Variants in DPY19L3 observed in about 807,000 individuals in gnomAD.
DPY19L3 encodes the protein dpy-19 like C-mannosyltransferase 3.
Under a neutral mutation model 92.3 loss-of-function variants are expected in DPY19L3, and 51 were observed. The ratio of observed to expected loss-of-function variants is 0.55; its 90% CI spans 0.44 to 0.70. DPY19L3 has a LOEUF of 0.70. DPY19L3 is among the 30% of genes least tolerant of loss of function. The probability of loss-of-function intolerance (pLI) is 0.00; values close to 1 mark genes in which losing one functional copy is unlikely to be tolerated. For missense variants in DPY19L3, 706 were observed against 855.9 expected (o/e 0.82, Z 2.18); for synonymous variants, 309 against 315.2 (o/e 0.98, Z 0.21).
chr19:32,434,521 T>C (rs1297789997), intron 4 of DPY19L3, among the ~76,000 whole-genome samples: 2 of 152,010 alleles, frequency 1.3e-5, no homozygotes, highest in South Asian at 2.1e-4. Context: ...TAGCCGGGCG[T>C]AGTGGCGCAT....
intron 8 of DPY19L3, among the ~76,000 whole-genome samples, chr19:32,445,075 CAAAAAA>C (rs771623749): frequency 1.8e-5 from 1 of 54,612 alleles, no homozygotes; most frequent in Non-Finnish European, 3.9e-5. Context: ...GACCCAGTCT[CAAAAAA>C]AAAAAAAAAA....
chr19:32,478,081 G>A (rs914801953), intron 17 of DPY19L3, among the ~76,000 whole-genome samples: 8 of 152,194 alleles, frequency 5.3e-5, no homozygotes, highest in Admixed American at 4.6e-4. Context: ...CATCATGTGG[G>A]ACTTCAAGAT....
chr19:32,475,631 C>G (rs990744707), intron 16 of DPY19L3, among the ~76,000 whole-genome samples: 1 of 152,234 alleles, frequency 6.6e-6, no homozygotes, highest in African/African-American at 2.4e-5. Context: ...GCACAGTACA[C>G]AAGGCCCAGA....
chr19:32,462,469 AAG>A (rs1377751631), intron 12 of DPY19L3, among the ~76,000 whole-genome samples: 1 of 152,204 alleles, frequency 6.6e-6, no homozygotes. Context: ...ATCCACCGAT[AAG>A]AGGGGACTAC....
chr19:32,477,502 C>T lies in DPY19L3; in HGVS notation c.1698-20C>T. 1 of 1,613,874 alleles carries T rather than the reference C, an allele frequency of 6.2e-7. No individual in the cohort carries two copies. The highest frequency in any genetic ancestry group is 2.2e-5 in the East Asian group (1 of 44,868). On this transcript the variant is annotated intron_variant, in intron 16 of 18. Coordinates refer to ENST00000392250, the MANE Select transcript of DPY19L3 (RefSeq NM_001172774.2). ...GGATCTCTTAACAGTGGGGTTAATTCAGACTCTAAAATCTTTCAGCTCTAA... is the reference window on the plus strand; with the variant it reads ...GGATCTCTTAACAGTGGGGTTAATTTAGACTCTAAAATCTTTCAGCTCTAA...
At chr19:32,456,194 G>C (rs1411954560) in intron 10 of DPY19L3, among the ~76,000 whole-genome samples, 2 of 143,624 alleles carry the variant, frequency 1.4e-5, no homozygotes, top group Non-Finnish European at 3.0e-5. Flanking sequence ...TCCCACCTCA[G>C]CCTCCTGAGT....
At chr19:32,440,804 A>G (rs1317172226) in intron 8 of DPY19L3, among the ~76,000 whole-genome samples, 1 of 152,224 alleles carries the variant, frequency 6.6e-6, no homozygotes, top group Non-Finnish European at 1.5e-5. Flanking sequence ...GATAGCTGCT[A>G]ATTAGCAATA....
At chr19:32,468,410 G>T in intron 15 of DPY19L3, 1 of 1,027,314 alleles carries the variant, frequency 9.7e-7, no homozygotes, top group Admixed American at 5.4e-5. Flanking sequence ...TTCTTGTCAT[G>T]TCAAAATAAT....
chr19:32,475,379 G>A (rs1335706687), intron 16 of DPY19L3, among the ~76,000 whole-genome samples: 3 of 152,158 alleles, frequency 2.0e-5, no homozygotes, highest in African/African-American at 4.8e-5. Flanking sequence ...TCTGCCAGGC[G>A]TGGAAACCAG....
intron 16 of DPY19L3, among the ~76,000 whole-genome samples, chr19:32,475,859 G>T (rs765501335): frequency 1.8e-4 from 28 of 152,196 alleles, no homozygotes; most frequent in Non-Finnish European, 3.2e-4. Context: ...AAGCTCTCAA[G>T]TGCAGCCAAG....
intron 15 of DPY19L3, among the ~76,000 whole-genome samples, chr19:32,466,740 G>T (rs1363610116): frequency 6.6e-6 from 1 of 152,252 alleles, no homozygotes; most frequent in Non-Finnish European, 1.5e-5. Flanking sequence ...CCAAAAGACT[G>T]TTGGCCTAGT....
At chr19:32,419,480 A>G (rs1968492182) in intron 3 of DPY19L3, among the ~76,000 whole-genome samples, 2 of 151,480 alleles carry the variant, frequency 1.3e-5, no homozygotes. Context: ...CTATTTTTTG[A>G]GACAGGTTCT....
chr19:32,422,291 A>T (rs1211896851), intron 3 of DPY19L3, among the ~76,000 whole-genome samples: 1 of 152,188 alleles, frequency 6.6e-6, no homozygotes, highest in African/African-American at 2.4e-5. Flanking sequence ...ATGAATACAA[A>T]GCAGAAACAT....
intron 3 of DPY19L3, among the ~76,000 whole-genome samples, chr19:32,430,566 A>T (rs912772191): frequency 6.6e-6 from 1 of 152,170 alleles, no homozygotes; most frequent in Non-Finnish European, 1.5e-5. Context: ...GAAATATATT[A>T]AATAAATAAT....
At chr19:32,432,685 C>A (rs1855782152) in intron 3 of DPY19L3, 31 bp from the exon 4 acceptor site, 2 of 1,595,426 alleles carry the variant, frequency 1.3e-6, no homozygotes, top group South Asian at 2.2e-5. Context: ...AACTAGGTCA[C>A]ATAAACCCAT....
At chr19:32,425,714 G>A (rs932196001) in intron 3 of DPY19L3, among the ~76,000 whole-genome samples, 17 of 151,894 alleles carry the variant, frequency 1.1e-4, no homozygotes, top group Non-Finnish European at 2.5e-4. Context: ...TTTCTGTGTA[G>A]TAGATCTCAA....
At chr19:32,450,481 G>A (rs533843269) in intron 8 of DPY19L3, among the ~76,000 whole-genome samples, 44 of 152,230 alleles carry the variant, frequency 2.9e-4, no homozygotes, top group Non-Finnish European at 5.6e-4. Context: ...GAAACCACCC[G>A]AATGCCCATA....
At chr19:32,431,115 C>A (rs908802214) in intron 3 of DPY19L3, among the ~76,000 whole-genome samples, 3 of 152,124 alleles carry the variant, frequency 2.0e-5, no homozygotes, top group African/African-American at 7.2e-5. Flanking sequence ...TGCAGTGGCT[C>A]ACGCCTGTAA....
intron 8 of DPY19L3, among the ~76,000 whole-genome samples, chr19:32,452,513 T>G (rs1437760743): frequency 1.3e-5 from 2 of 152,226 alleles, no homozygotes; most frequent in African/African-American, 4.8e-5. Context: ...CTGAAATCAT[T>G]GAAAAGAAAA....
Sources: allele counts gnomAD v4.1 joint callset (sites outside exome capture counted in the v4.1 genomes callset), GRCh38; gene constraint gnomAD v4.1.1; transcripts MANE v1.5; gene names NCBI Gene and HGNC (gene_info 2026-07-23, HGNC 2026-07-21).